The following NUCB1 variants were observed in gnomAD, a reference collection of about 807,000 sequenced individuals.
The protein encoded by NUCB1 is nucleobindin 1.
Under a neutral mutation model 61.2 loss-of-function variants are expected in NUCB1, and 47 were observed. That is an observed-to-expected ratio of 0.77 (90% CI 0.61 to 0.98). The LOEUF is 0.98. NUCB1 is among the 50% of genes least tolerant of loss of function. The probability of loss-of-function intolerance (pLI) is 0.00; values close to 1 mark genes in which losing one functional copy is unlikely to be tolerated. For synonymous variants in NUCB1, 234 were observed against 243.1 expected, an observed-to-expected ratio of 0.96 and a Z score of 0.35; for missense variants, 583 against 605.3, an observed-to-expected ratio of 0.96 and a Z score of 0.39.
At position 48,900,888 on chromosome 19, in the gene NUCB1, G is replaced by A. The variant is rs2037347017; in HGVS notation, c.92G>A (p.Arg31Gln). Residue 31 changes from arginine to glutamine, a missense_variant, in exon 2 of 13, where the codon CGA (arginine) becomes CAA (glutamine). Transcript: ENST00000405315. ...GCCGTGCTGGCTGTCCCCCTGGAGC[G>A]AGGGGCGCCCAACAAGGAGGAGACC... ...LRAVLAVPLE[R>Q]GAPNKEETPA... The A allele has an allele frequency of 2.5e-6, 4 of 1,613,890 alleles. No homozygotes were observed. Among genetic ancestry groups the A allele is most frequent in the East Asian group, 4.5e-5 (2 of 44,880 alleles).
intron 4 of NUCB1, 88 bp from the exon 5 acceptor site, chr19:48,911,061 T>C: frequency 1.1e-6 from 1 of 942,818 alleles, no homozygotes; most frequent in South Asian, 1.4e-5. Context: ...CCTAGTGCTG[T>C]CCGTGACTTC....
chr19:48,911,562 C>T (rs115779086), intron 5 of NUCB1, among the ~76,000 whole-genome samples: 1,560 of 151,896 alleles, frequency 0.01, 30 homozygotes, highest in African/African-American at 0.035. Context: ...CCTGCCGTCA[C>T]GCCCAGAAAA....
rs537276046 is a variant in NUCB1 at position 48,923,267 on chromosome 19, A to G, written c.*843A>G. On this transcript the variant is annotated 3_prime_UTR_variant, in exon 13 of 13. Transcript: ENST00000405315. Reference sequence around the variant, plus strand: ...GTTCCATCCAAATACACTTTCTGGAACAAATGCATGGCTCCATGCCTGTGT... The same window carrying G: ...GTTCCATCCAAATACACTTTCTGGAGCAAATGCATGGCTCCATGCCTGTGT... 1 of 152,412 alleles carries G rather than the reference A, an allele frequency of 6.6e-6. No individual in the cohort carries two copies. The highest frequency in any genetic ancestry group is 6.5e-5 in the Admixed American group (1 of 15,278). 9.4% of individuals were successfully genotyped at this position (152,412 alleles called of 1,614,324 possible).
At chr19:48,917,411 C>T (rs2037553107) in intron 7 of NUCB1, among the ~76,000 whole-genome samples, 1 of 151,890 alleles carries the variant, frequency 6.6e-6, no homozygotes. Context: ...GCAACCCAGA[C>T]CTCCTGGGCT....
At position 48,920,904 on chromosome 19, in the gene NUCB1, C is replaced by T. The variant is rs530282749; in HGVS notation, c.1003-250C>T. 4.1e-3 allele frequency among the ~76,000 whole-genome samples: 625 copies of T among 152,238 alleles called. 5 individuals are homozygous for T. Among genetic ancestry groups the T allele is most frequent in the African/African-American group, 0.015 (608 of 41,532 alleles). ...CTCCGTTGCCCAGGCTGACCTTGAA[C>T]TCCTGGCGTCAAGTGATCCTTCCCA... is the stretch of plus-strand genomic sequence containing the variant. On this transcript the variant is annotated intron_variant, in intron 10 of 12. Transcript: ENST00000405315.
At chr19:48,920,689 C>A (rs2037599295) in intron 10 of NUCB1, among the ~76,000 whole-genome samples, 1 of 152,026 alleles carries the variant, frequency 6.6e-6, no homozygotes, top group African/African-American at 2.4e-5. Flanking sequence ...ATGCCCTGCT[C>A]ATTTTGTATT....
In NUCB1 at chr19:48,921,222, G is replaced by A; in HGVS notation, c.1071G>A (p.Arg357=). The A allele has an allele frequency of 6.2e-7, 1 of 1,613,268 alleles. No individual in the cohort carries two copies. Among genetic ancestry groups the A allele is most frequent in the Non-Finnish European group, 8.5e-7 (1 of 1,179,926 alleles). The change falls in exon 11 of 13, where the codon CGG becomes CGA. Residue 357 remains arginine (R), a synonymous_variant. Coordinates refer to ENST00000405315, the MANE Select transcript of NUCB1 (RefSeq NM_006184.6). ...LRRFEEELAA[R]EAELNAKAQR... is the part of the protein sequence containing the mutation. ...GCTTTGAAGAGGAGCTGGCTGCCCG[G>A]GAGGCAGAGCTGAATGCCAAGGCCC...
At chr19:48,912,639 C>G (rs2037487177) in intron 5 of NUCB1, among the ~76,000 whole-genome samples, 1 of 152,038 alleles carries the variant, frequency 6.6e-6, no homozygotes, top group Admixed American at 6.6e-5. Context: ...AGTTTGAGAC[C>G]AGCCTGGCCA....
chr19:48,915,152 A>G (rs900396553), intron 7 of NUCB1, among the ~76,000 whole-genome samples: 11 of 152,020 alleles, frequency 7.2e-5, no homozygotes, highest in African/African-American at 2.7e-4. Context: ...GGGGTGATAA[A>G]ATAGAAGAAC....
chr19:48,904,529 T>C (rs2037391885), intron 3 of NUCB1, 75 bp downstream of exon 3: 4 of 502,310 alleles, frequency 8.0e-6, no homozygotes, highest in Non-Finnish European at 1.2e-5. Context: ...ACTGGTTTCT[T>C]TTTTTTTTTT....
intron 2 of NUCB1, among the ~76,000 whole-genome samples, chr19:48,903,485 G>C (rs2037375114): frequency 7.1e-6 from 1 of 140,650 alleles, no homozygotes; most frequent in African/African-American, 2.7e-5. Context: ...TGGATGGATG[G>C]GCGGGTGGAT....
Position 48,904,453 on chromosome 19 carries a change from A to G in NUCB1, c.242A>G (p.Lys81Arg), listed in dbSNP as rs1177685439. 1 of 1,580,248 alleles carries G rather than the reference A, an allele frequency of 6.3e-7. No individual in the cohort carries two copies. Among genetic ancestry groups the G allele is most frequent in the Admixed American group, 1.7e-5 (1 of 58,696 alleles). The stretch of plus-strand genomic sequence containing the variant: ...CAGGCTGCCAATGCGGAGGACATCA[A>G]GGTGCGGCTGGGGGAGTGGGGGCTG... ...KLQAANAEDI[K>R]SGKLSRELDF... Residue 81 changes from lysine to arginine, a missense_variant and splice_region_variant, in exon 3 of 13, where the codon AAG becomes AGG. Coordinates refer to ENST00000405315, the MANE Select transcript of NUCB1 (RefSeq NM_006184.6).
intron 10 of NUCB1, among the ~76,000 whole-genome samples, chr19:48,920,934 C>T (rs1038912294): frequency 4.6e-5 from 7 of 152,216 alleles, no homozygotes; most frequent in African/African-American, 1.2e-4. Flanking sequence ...TTCCCACTTT[C>T]GCCTCCCAAA....
At chr19:48,901,581 T>C (rs1024737488) in intron 2 of NUCB1, among the ~76,000 whole-genome samples, 2 of 152,174 alleles carry the variant, frequency 1.3e-5, no homozygotes, top group Non-Finnish European at 2.9e-5. Flanking sequence ...CTGGCCAACA[T>C]GGCAAAACCC....
chr19:48,901,039 A>T, intron 2 of NUCB1, 108 bp downstream of exon 2: 1 of 1,340,458 alleles, frequency 7.5e-7, no homozygotes, highest in Non-Finnish European at 1.1e-6. Context: ...CTGGCCCTAC[A>T]GTTGTAGCTT....
intron 4 of NUCB1, among the ~76,000 whole-genome samples, chr19:48,910,045 T>G (rs1425826793): frequency 6.6e-6 from 1 of 152,040 alleles, no homozygotes; most frequent in African/African-American, 2.4e-5. Context: ...ATCAAAAATT[T>G]TGATGTTTTT....
intron 12 of NUCB1, 118 bp from the exon 13 acceptor site, chr19:48,922,200 G>T (rs1416256201): frequency 1.2e-5 from 10 of 836,762 alleles, no homozygotes; most frequent in South Asian, 3.0e-5. Context: ...TGGGTGTGAG[G>T]GAGGAGGGGC....
chr19:48,918,883 T>G, intron 8 of NUCB1, 99 bp downstream of exon 8: 4 of 1,347,916 alleles, frequency 3.0e-6, no homozygotes, highest in Non-Finnish European at 4.2e-6. Flanking sequence ...GGGAGCTCAG[T>G]GAAAACTACA....
intron 10 of NUCB1, among the ~76,000 whole-genome samples, chr19:48,920,409 C>G (rs1023209909): frequency 1.3e-5 from 2 of 152,182 alleles, no homozygotes; most frequent in Admixed American, 6.6e-5. Context: ...TCACTGCAGC[C>G]TTGAATTCCT....
Sources: gnomAD v4.1 joint callset for allele counts (sites outside exome capture counted in the v4.1 genomes callset) on GRCh38, gnomAD v4.1.1 for gene constraint, MANE v1.5 for transcripts, NCBI Gene and HGNC (gene_info 2026-07-23, HGNC 2026-07-21) for gene names.